The following ARHGAP32 variants were observed in gnomAD, a reference collection of about 807,000 sequenced individuals.
The protein encoded by ARHGAP32 is rho GTPase-activating protein 32.
Under a neutral mutation model 186.5 loss-of-function variants are expected in ARHGAP32, and 51 were observed. That is an observed-to-expected ratio of 0.27 (90% CI 0.22 to 0.35). The LOEUF is 0.35. Among genes scored for constraint, ARHGAP32 ranks in the 10% least tolerant of loss-of-function variants. ARHGAP32 has a pLI of 1.00. For missense variants in ARHGAP32, 2,186 were observed against 2,623.5 expected (o/e 0.83, Z 3.64); for synonymous variants, 950 against 964.3 (o/e 0.99, Z 0.27).
intron 11 of ARHGAP32, among the ~76,000 whole-genome samples, chr11:129,007,643 A>T (rs1210843115): frequency 1.3e-5 from 2 of 152,080 alleles, no homozygotes; most frequent in Admixed American, 1.3e-4. Context: ...AGCAGAAAGA[A>T]GGGATCTGTT....
intron 14 of ARHGAP32, 99 bp from the exon 15 acceptor site, chr11:128,986,184 C>T: frequency 1.1e-6 from 1 of 921,308 alleles, no homozygotes; most frequent in South Asian, 1.5e-5. Context: ...ACTTGCTTTG[C>T]TCTTGGATGT....
chr11:129,198,684 C>A (rs1476540459), intron 1 of ARHGAP32, among the ~76,000 whole-genome samples: 1 of 152,178 alleles, frequency 6.6e-6, no homozygotes, highest in Non-Finnish European at 1.5e-5. Flanking sequence ...TTATAGATTA[C>A]CCAGTTTCAT....
intron 11 of ARHGAP32, chr11:129,030,356 TA>T (rs1244053297): frequency 1.3e-5 from 2 of 152,156 alleles, no homozygotes; most frequent in East Asian, 3.9e-4. Flanking sequence ...AGTGAAAATT[TA>T]GAACAAAACA....
chr11:129,077,369 G>A (rs1244669990), intron 6 of ARHGAP32, among the ~76,000 whole-genome samples: 3 of 152,148 alleles, frequency 2.0e-5, no homozygotes, highest in South Asian at 2.1e-4. Context: ...AAAGCCCTGC[G>A]TGTTTTCTCA....
intron 5 of ARHGAP32, among the ~76,000 whole-genome samples, chr11:129,119,709 T>G (rs1196796260): frequency 6.6e-6 from 1 of 152,014 alleles, no homozygotes; most frequent in Non-Finnish European, 1.5e-5. Flanking sequence ...TGCAATCTTA[T>G]GTAAGGAAGG....
intron 1 of ARHGAP32, among the ~76,000 whole-genome samples, chr11:129,256,304 A>G (rs944288922): frequency 7.6e-6 from 1 of 132,274 alleles, no homozygotes; most frequent in African/African-American, 3.0e-5. Context: ...AAAGTTTAAA[A>G]TTTTTAAAAA....
intron 11 of ARHGAP32, among the ~76,000 whole-genome samples, chr11:129,005,040 T>C (rs985533500): frequency 6.6e-6 from 1 of 152,154 alleles, no homozygotes; most frequent in African/African-American, 2.4e-5. Context: ...GTATGCATTG[T>C]ATATTTTTGG....
At chr11:129,263,852 A>G (rs1945357878) in intron 1 of ARHGAP32, among the ~76,000 whole-genome samples, 1 of 152,292 alleles carries the variant, frequency 6.6e-6, no homozygotes, top group East Asian at 1.9e-4. Context: ...GTGTAAAAAT[A>G]TAATTACCAT....
intron 11 of ARHGAP32, among the ~76,000 whole-genome samples, chr11:129,018,389 T>C (rs1768419305): frequency 6.6e-6 from 1 of 152,214 alleles, no homozygotes; most frequent in African/African-American, 2.4e-5. Context: ...GCAAATACCT[T>C]AAATAGCAGC....
At chr11:129,230,495 GTTTTA>G (rs1944843637) in intron 1 of ARHGAP32, among the ~76,000 whole-genome samples, 1 of 151,924 alleles carries the variant, frequency 6.6e-6, no homozygotes, top group Non-Finnish European at 1.5e-5. Flanking sequence ...CATATTTACT[GTTTTA>G]TTCTACTTAC....
rs1047820652 is a variant in ARHGAP32 at position 129,078,910 on chromosome 11, T to TA, written c.532-12043dup. On this transcript the variant is annotated intron_variant, in intron 6 of 22. Coordinates refer to ENST00000682385, the MANE Select transcript of ARHGAP32 (RefSeq NM_001378024.1). ...AAAATCTCCAGAGAAATAACATAAA[T>TA]AAAAAAAAAAATCACAACTCCTGGA... 6.1e-4 allele frequency among the ~76,000 whole-genome samples: 86 copies of TA among 139,900 alleles called. 1 individual carries two copies. The highest frequency in any genetic ancestry group is 1.1e-3 in the South Asian group (5 of 4,448). The allele number at this position is 139,900 out of a possible 152,430, so 91.8% of individuals were successfully genotyped here. A position where few individuals can be genotyped will look rare whatever the true frequency, so the allele number is the denominator to read the frequency against.
chr11:129,196,165 T>C (rs1944387777), upstream of ARHGAP32, among the ~76,000 whole-genome samples: 1 of 152,216 alleles, frequency 6.6e-6, no homozygotes, highest in African/African-American at 2.4e-5. Context: ...TCAGAATGAA[T>C]TTTTTCGAAG....
chr11:129,051,509 TAA>T (rs1473764933), intron 10 of ARHGAP32, among the ~76,000 whole-genome samples: 1 of 152,248 alleles, frequency 6.6e-6, no homozygotes, highest in African/African-American at 2.4e-5. Flanking sequence ...TAAATTTGTT[TAA>T]GAGCAGAAGT....
chr11:129,030,515 T>C (rs1939064650), intron 11 of ARHGAP32: 1 of 152,110 alleles, frequency 6.6e-6, no homozygotes, highest in South Asian at 2.1e-4. Flanking sequence ...CAGTTACAGA[T>C]CTATTTCCCT....
intron 1 of ARHGAP32, among the ~76,000 whole-genome samples, chr11:129,208,466 A>G (rs2052794080): frequency 6.6e-6 from 1 of 152,200 alleles, no homozygotes; most frequent in South Asian, 2.1e-4. Flanking sequence ...AAGAAAACAT[A>G]CTATTTGGCC....
intron 6 of ARHGAP32, among the ~76,000 whole-genome samples, chr11:129,071,584 A>G (rs999544834): frequency 1.3e-5 from 2 of 152,112 alleles, no homozygotes; most frequent in African/African-American, 4.8e-5. Flanking sequence ...AGAGAAAAGG[A>G]AACAAGGGAC....
At chr11:129,162,305 AT>A (rs1688887619) in intron 2 of ARHGAP32, among the ~76,000 whole-genome samples, 1 of 152,206 alleles carries the variant, frequency 6.6e-6, no homozygotes, top group Admixed American at 6.6e-5. Flanking sequence ...TAATAAAAAA[AT>A]CTAAAATAAA....
At chr11:129,129,048 T>C (rs998940754) in intron 2 of ARHGAP32, among the ~76,000 whole-genome samples, 5 of 151,554 alleles carry the variant, frequency 3.3e-5, no homozygotes, top group Non-Finnish European at 4.4e-5. Flanking sequence ...CCGCCCATCG[T>C]CTGGGATGTG....
At chr11:129,197,681 G>A (rs1229059341) in intron 1 of ARHGAP32, among the ~76,000 whole-genome samples, 2 of 152,064 alleles carry the variant, frequency 1.3e-5, no homozygotes, top group East Asian at 3.9e-4. Context: ...TCCAATGACT[G>A]AAGATTTTCC....
Sources: gnomAD v4.1 joint callset for allele counts (sites outside exome capture counted in the v4.1 genomes callset) on GRCh38, gnomAD v4.1.1 for gene constraint, MANE v1.5 for transcripts, NCBI Gene and HGNC (gene_info 2026-07-23, HGNC 2026-07-21) for gene names.